Variants in ERAP1 observed in about 807,000 individuals in gnomAD.
ERAP1 encodes the protein adipocyte-derived leucine aminopeptidase.
A neutral mutation model predicts 103.7 loss-of-function variants in ERAP1; 86 were observed. That is an observed-to-expected ratio of 0.83 (90% CI 0.70 to 0.99). ERAP1 has a LOEUF of 0.99. Ranked by LOEUF, ERAP1 falls within the 50% of genes least tolerant of loss-of-function variation. The probability of loss-of-function intolerance (pLI) is 0.00; values close to 1 mark genes in which losing one functional copy is unlikely to be tolerated. For synonymous variants in ERAP1, 398 were observed against 402.4 expected (o/e 0.99, Z 0.13); for missense variants, 1,009 against 1,128.4 (o/e 0.89, Z 1.52).
Position 96,803,824 on chromosome 5 carries a change from T to C in ERAP1, c.103A>G (p.Thr35Ala). 1.9e-6 allele frequency: 3 copies of C among 1,614,194 alleles called. No homozygotes were observed. The highest frequency in any genetic ancestry group is 2.5e-6 in the Non-Finnish European group (3 of 1,180,038). ...TCACTACGTTTTGGAGATGCTTCAGTGCTCTGACACCATGAAGGAGTGGAC... is the reference window on the plus strand; with the variant it reads ...TCACTACGTTTTGGAGATGCTTCAGCGCTCTGACACCATGAAGGAGTGGAC... Reference protein sequence around the residue: ...TVSTPSWCQSTEASPKRSDGT... With the variant: ...TVSTPSWCQSAEASPKRSDGT... The change falls in exon 2 of 19, where the codon ACT becomes GCT. Residue 35 changes from threonine to alanine, a missense_variant. Physicochemically the swap from Thr to Ala is moderately conservative, Grantham distance 58. Coordinates refer to ENST00000443439, the MANE Select transcript of ERAP1 (RefSeq NM_001040458.3).
At chr5:96,932,944 G>GTA in the ERAP1 span, among the ~76,000 whole-genome samples, 1 of 152,058 alleles carries the variant, frequency 6.6e-6, no homozygotes, top group Non-Finnish European at 1.5e-5. Context: ...ATAATGAATC[G>GTA]TAACTTCATA....
the ERAP1 span, among the ~76,000 whole-genome samples, chr5:96,904,118 A>C: frequency 1.3e-5 from 2 of 152,250 alleles, no homozygotes; most frequent in African/African-American, 4.8e-5. Flanking sequence ...TTCATTACTT[A>C]CACTGGAGAA....
chr5:96,819,907 G>C, the ERAP1 span, among the ~76,000 whole-genome samples: 1 of 152,144 alleles, frequency 6.6e-6, no homozygotes, highest in Admixed American at 6.5e-5. Context: ...TTGACTATTT[G>C]GGTGTGACCT....
chr5:96,918,559 A>G, the ERAP1 span: 13 of 152,154 alleles, frequency 8.5e-5, no homozygotes, highest in Admixed American at 8.5e-4. Flanking sequence ...AAATGAATGA[A>G]TGGTCAAATG....
At chr5:96,881,218 T>C in the ERAP1 span, 1 of 353,906 alleles carries the variant, frequency 2.8e-6, no homozygotes, top group African/African-American at 2.1e-5. Flanking sequence ...AAAGATCAAG[T>C]CTATGTTGAG....
the ERAP1 span, among the ~76,000 whole-genome samples, chr5:96,914,895 A>T: frequency 6.6e-6 from 1 of 151,932 alleles, no homozygotes; most frequent in Non-Finnish European, 1.5e-5. Context: ...TTATATTGTT[A>T]TAAATTTATA....
At chr5:96,806,581 T>C (rs1778615072) in intron 1 of ERAP1, among the ~76,000 whole-genome samples, 1 of 151,756 alleles carries the variant, frequency 6.6e-6, no homozygotes, top group Non-Finnish European at 1.5e-5. Context: ...CACATCTGTG[T>C]GAGTATAAAC....
the ERAP1 span, among the ~76,000 whole-genome samples, chr5:96,894,597 A>G: frequency 1.3e-5 from 2 of 152,216 alleles, no homozygotes; most frequent in Admixed American, 6.5e-5. Flanking sequence ...TACAGATCAA[A>G]TATAGGTAAA....
At chr5:96,765,233 G>T (rs1283641185) in intron 19 of ERAP1, 1 of 1,591,642 alleles carries the variant, frequency 6.3e-7, no homozygotes. Flanking sequence ...GAGTGACAAA[G>T]ACCTCGATGA....
chr5:96,787,507 C>T (rs246455), intron 11 of ERAP1, among the ~76,000 whole-genome samples: 94,616 of 151,696 alleles, frequency 0.62, 29,720 homozygotes, highest in Non-Finnish European at 0.66. Flanking sequence ...CTCAGGTGAT[C>T]CTCCTGCCTC....
At chr5:96,909,553 CTGTTAACCATCTCATATTT>C in the ERAP1 span, 1 of 1,590,628 alleles carries the variant, frequency 6.3e-7, no homozygotes. Context: ...TTTAGCCTCT[CTGTTAACCATCTCATATTT>C]TCTGCAGCGT....
the ERAP1 span, chr5:96,880,186 C>T: frequency 6.2e-7 from 1 of 1,614,038 alleles, no homozygotes; most frequent in Non-Finnish European, 8.5e-7. Flanking sequence ...TGGCTATGGA[C>T]TTCCAAGCCA....
chr5:96,860,033 T>G, the ERAP1 span, among the ~76,000 whole-genome samples: 1 of 152,142 alleles, frequency 6.6e-6, no homozygotes, highest in South Asian at 2.1e-4. Context: ...AAATACATAT[T>G]GTCTATCAAT....
At chr5:96,804,657 T>C (rs1318161634) in intron 1 of ERAP1, among the ~76,000 whole-genome samples, 1 of 152,158 alleles carries the variant, frequency 6.6e-6, no homozygotes, top group Non-Finnish European at 1.5e-5. Flanking sequence ...AAAAGCAATG[T>C]GAATTTCAGG....
chr5:96,828,103 T>C, the ERAP1 span, among the ~76,000 whole-genome samples: 1 of 152,212 alleles, frequency 6.6e-6, no homozygotes, highest in Non-Finnish European at 1.5e-5. Flanking sequence ...TTTATACAAA[T>C]GTAAAAATTT....
chr5:96,882,355 G>C, the ERAP1 span, among the ~76,000 whole-genome samples: 1 of 152,148 alleles, frequency 6.6e-6, no homozygotes, highest in Admixed American at 6.5e-5. Context: ...GGACTTTCCA[G>C]CATGCCTCCC....
At chr5:96,762,425 GAAAGA>G (rs1398881855) in exon 20 of ERAP1, 2 of 1,318,222 alleles carry the variant, frequency 1.5e-6, no homozygotes, top group African/African-American at 3.0e-5. Context: ...GCCACAACTA[GAAAGA>G]AAATAGGGCG....
the ERAP1 span, among the ~76,000 whole-genome samples, chr5:96,866,424 A>C: frequency 6.6e-6 from 1 of 152,230 alleles, no homozygotes; most frequent in Non-Finnish European, 1.5e-5. Flanking sequence ...GTGGAAAACA[A>C]ATAGACAAAC....
upstream of ERAP1, chr5:96,808,095 A>C: frequency 7.1e-6 from 7 of 985,180 alleles, no homozygotes; most frequent in Non-Finnish European, 7.2e-6. Flanking sequence ...CAGGAAGGGA[A>C]TTGGTAAATG....
Sources: allele counts gnomAD v4.1 joint callset (sites outside exome capture counted in the v4.1 genomes callset), GRCh38; gene constraint gnomAD v4.1.1; transcripts MANE v1.5; gene names NCBI Gene and HGNC (gene_info 2026-07-23, HGNC 2026-07-21).